ELMOD2: variants seen among roughly 807,000 people sequenced by gnomAD.
The protein encoded by ELMOD2 is ELMO domain containing 2.
In ELMOD2, 28 loss-of-function variants were observed where a neutral mutation model predicts 41.0. That is an observed-to-expected ratio of 0.68 (90% CI 0.51 to 0.94). The LOEUF (loss-of-function observed/expected upper bound fraction) is 0.94, where lower values mean the gene tolerates loss of function less well. Ranked by LOEUF, ELMOD2 falls within the 40% of genes least tolerant of loss-of-function variation. ELMOD2 has a pLI of 0.00. For synonymous variants in ELMOD2, 106 were observed against 107.2 expected, an observed-to-expected ratio of 0.99 and a Z score of 0.07; for missense variants, 333 against 343.1, an observed-to-expected ratio of 0.97 and a Z score of 0.23.
In ELMOD2 at chr4:140,551,672, CAT is replaced by C. The variant is rs1273355007; in HGVS notation, c.*1298_*1299del. On this transcript the variant is annotated 3_prime_UTR_variant, in exon 9 of 9. Transcript: ENST00000323570. ...TTTAAGGACATAATTTCATCTAAAACATGACGATATTTAGCACACCTTTTAAT... is the reference window on the plus strand; with the variant it reads ...TTTAAGGACATAATTTCATCTAAAACGACGATATTTAGCACACCTTTTAAT... 6.6e-6 allele frequency: 1 copy of C among 152,054 alleles called. No individual in the cohort carries two copies. Among genetic ancestry groups the C allele is most frequent in the Non-Finnish European group, 1.5e-5 (1 of 67,934 alleles). 9.4% of individuals were successfully genotyped at this position (152,054 alleles called of 1,614,324 possible). A position where few individuals can be genotyped will look rare whatever the true frequency, so the allele number is the denominator to read the frequency against.
intron 2 of ELMOD2, chr4:140,526,871 C>T (rs541658124): frequency 4.6e-5 from 7 of 152,316 alleles, no homozygotes; most frequent in Admixed American, 1.3e-4. Flanking sequence ...AGCATTTTTC[C>T]TAAATTTTTC....
intron 5 of ELMOD2, among the ~76,000 whole-genome samples, chr4:140,539,504 G>A (rs751979910): frequency 6.6e-6 from 1 of 151,892 alleles, no homozygotes; most frequent in South Asian, 2.1e-4. Context: ...CTGCCACCAC[G>A]CCTGGCTAAT....
chr4:140,532,274 C>G (rs1734775465), intron 3 of ELMOD2, among the ~76,000 whole-genome samples: 2 of 150,700 alleles, frequency 1.3e-5, no homozygotes, highest in African/African-American at 4.9e-5. Context: ...AAGCAGTTCT[C>G]TCACCTCAGT....
intron 2 of ELMOD2, among the ~76,000 whole-genome samples, chr4:140,526,339 C>T (rs1734561196): frequency 6.6e-6 from 1 of 152,168 alleles, no homozygotes; most frequent in Non-Finnish European, 1.5e-5. Context: ...AACAGTGTTG[C>T]TCTGTTACCT....
intron 5 of ELMOD2, among the ~76,000 whole-genome samples, chr4:140,539,711 A>G (rs570117062): frequency 6.6e-6 from 1 of 152,254 alleles, no homozygotes; most frequent in East Asian, 1.9e-4. Context: ...ATTTTTTTAA[A>G]CTGAAAATTT....
intron 8 of ELMOD2, 60 bp downstream of exon 8, chr4:140,543,646 A>T: frequency 2.4e-6 from 3 of 1,249,494 alleles, no homozygotes; most frequent in Non-Finnish European, 3.2e-6. Flanking sequence ...ACCACTAGGA[A>T]TGTATAATAT....
At chr4:140,549,770 T>G (rs929981705) in intron 8 of ELMOD2, among the ~76,000 whole-genome samples, 2 of 132,472 alleles carry the variant, frequency 1.5e-5, no homozygotes, top group African/African-American at 5.6e-5. Flanking sequence ...ACTGAAGCCC[T>G]GACCTCCTGG....
In ELMOD2 at chr4:140,524,169, A is replaced by C. The variant is rs1734468101; in HGVS notation, c.-121A>C. On this transcript the variant is annotated 5_prime_UTR_variant, in exon 1 of 9. Transcript: ENST00000323570. ...GGCGGGTCCGCGGCCTCGCTCCCTG[A>C]CTTCCGGGTCGCGGTGCTTGAAGGG... is the stretch of plus-strand genomic sequence containing the variant. 6.6e-6 allele frequency: 1 copy of C among 152,208 alleles called. No individual in the cohort carries two copies. Among genetic ancestry groups the C allele is most frequent in the Non-Finnish European group, 1.5e-5 (1 of 68,122 alleles). 9.4% of individuals were successfully genotyped at this position (152,208 alleles called of 1,614,324 possible). A position where few individuals can be genotyped will look rare whatever the true frequency, so the allele number is the denominator to read the frequency against.
intron 3 of ELMOD2, among the ~76,000 whole-genome samples, chr4:140,535,137 T>TCTCTCTCTCTCTCTC (rs1560827004): frequency 7.1e-5 from 10 of 141,400 alleles, no homozygotes; most frequent in Non-Finnish European, 1.4e-4. Context: ...ATCTGTTTCT[T>TCTCTCTCTCTCTCTC]TCTCTCTCTC....
intron 5 of ELMOD2, among the ~76,000 whole-genome samples, chr4:140,539,745 A>G (rs1447866560): frequency 6.6e-6 from 1 of 152,210 alleles, no homozygotes; most frequent in Admixed American, 6.5e-5. Context: ...GAATGCTATC[A>G]GTATCATTTC....
At chr4:140,524,591 A>C (rs955711400) in intron 1 of ELMOD2, 1 of 985,324 alleles carries the variant, frequency 1.0e-6, no homozygotes, top group Non-Finnish European at 1.2e-6. Flanking sequence ...CAGCTGTGCT[A>C]TGCGCTCTTT....
chr4:140,525,787 T>C (rs1734544370), intron 2 of ELMOD2, among the ~76,000 whole-genome samples: 1 of 152,240 alleles, frequency 6.6e-6, no homozygotes, highest in South Asian at 2.1e-4. Flanking sequence ...AAGAATTCTC[T>C]GGCTCCTGAA....
rs1443239742 is a variant in ELMOD2 at position 140,550,450 on chromosome 4, C to T, written c.*75C>T. ...ATTTATATGTTGTAATAGGAATTAT[C>T]TGATCAATTACACTCTTATATATAA... is the stretch of plus-strand genomic sequence containing the variant. On this transcript the variant is annotated 3_prime_UTR_variant, in exon 9 of 9. Transcript: ENST00000323570. The T allele has an allele frequency of 2.2e-6, 3 of 1,377,342 alleles. No individual in the cohort carries two copies. The highest frequency in any genetic ancestry group is 4.7e-5 in the Admixed American group (2 of 42,530). 85.3% of individuals were successfully genotyped at this position (1,377,342 alleles called of 1,614,324 possible). A position where few individuals can be genotyped will look rare whatever the true frequency, so the allele number is the denominator to read the frequency against.
chr4:140,525,356 CTT>C (rs1295853091), intron 1 of ELMOD2, 62 bp from the exon 2 acceptor site: 4 of 1,498,320 alleles, frequency 2.7e-6, no homozygotes, highest in South Asian at 1.3e-5. Flanking sequence ...GTTGTATAAA[CTT>C]TTTAAATTTT....
intron 5 of ELMOD2, among the ~76,000 whole-genome samples, chr4:140,538,822 C>G (rs1474986977): frequency 6.6e-6 from 1 of 152,230 alleles, no homozygotes; most frequent in African/African-American, 2.4e-5. Context: ...ACTATGTACA[C>G]TCCAAAGTTC....
intron 3 of ELMOD2, among the ~76,000 whole-genome samples, chr4:140,535,142 TCTCTCTC>T (rs1734876469): frequency 4.6e-4 from 3 of 6,492 alleles, no homozygotes; most frequent in Non-Finnish European, 1.3e-3. Flanking sequence ...TTTCTTTCTC[TCTCTCTC>T]TCTCTCTCTC....
intron 8 of ELMOD2, among the ~76,000 whole-genome samples, chr4:140,545,423 A>G (rs1735243604): frequency 6.6e-6 from 1 of 152,134 alleles, no homozygotes; most frequent in African/African-American, 2.4e-5. Context: ...GAAATGCCAA[A>G]TGTGCATTAA....
chr4:140,539,598 G>T (rs1735043019), intron 5 of ELMOD2, among the ~76,000 whole-genome samples: 1 of 151,994 alleles, frequency 6.6e-6, no homozygotes, highest in Admixed American at 6.5e-5. Flanking sequence ...CACCTGCCTC[G>T]GCCTCCCAAA....
At chr4:140,529,994 A>T (rs561079527) in intron 3 of ELMOD2, among the ~76,000 whole-genome samples, 17 of 152,336 alleles carry the variant, frequency 1.1e-4, no homozygotes, top group Admixed American at 3.3e-4. Flanking sequence ...AGTGCCTGGA[A>T]TGTGATAAGG....
Sources: allele counts gnomAD v4.1 joint callset (sites outside exome capture counted in the v4.1 genomes callset), GRCh38; gene constraint gnomAD v4.1.1; transcripts MANE v1.5; gene names NCBI Gene and HGNC (gene_info 2026-07-23, HGNC 2026-07-21).